Variants in SCN2A observed in about 807,000 individuals in gnomAD.
SCN2A encodes the protein sodium voltage-gated channel alpha subunit 2, also known as sodium channel protein type 2 subunit alpha.
Under a neutral mutation model 188.7 loss-of-function variants are expected in SCN2A, and 20 were observed. That is an observed-to-expected ratio of 0.11 (90% CI 0.07 to 0.15). The LOEUF is 0.15. Ranked by LOEUF, SCN2A falls within the 10% of genes least tolerant of loss-of-function variation. The pLI is 1.00. For synonymous variants in SCN2A, 804 were observed against 833.1 expected, an observed-to-expected ratio of 0.97 and a Z score of 0.60; for missense variants, 1,278 against 2,445.0, an observed-to-expected ratio of 0.52 and a Z score of 10.07.
At chr2:165,255,576 A>C (rs755228351) in intron 1 of SCN2A, among the ~76,000 whole-genome samples, 2 of 152,014 alleles carry the variant, frequency 1.3e-5, no homozygotes, top group Non-Finnish European at 2.9e-5. Flanking sequence ...CCTAACAATT[A>C]TTAAAATATG....
At chr2:165,269,530 A>G (rs960637152) in intron 1 of SCN2A, 2 of 152,040 alleles carry the variant, frequency 1.3e-5, no homozygotes, top group Non-Finnish European at 2.9e-5. Flanking sequence ...TTCCTATCCT[A>G]CATTTTATTG....
intron 14 of SCN2A, among the ~76,000 whole-genome samples, chr2:165,337,142 C>CA (rs1295957646): frequency 4.6e-5 from 7 of 151,922 alleles, no homozygotes; most frequent in Non-Finnish European, 5.9e-5. Context: ...AGGAATAACT[C>CA]AGACATTTTA....
intron 1 of SCN2A, among the ~76,000 whole-genome samples, chr2:165,292,013 C>T (rs1219597036): frequency 6.6e-6 from 1 of 152,058 alleles, no homozygotes; most frequent in Non-Finnish European, 1.5e-5. Context: ...GCTGCTACAG[C>T]ATCTAGCTGT....
chr2:165,375,454 C>T (rs1701260365), intron 22 of SCN2A, among the ~76,000 whole-genome samples: 1 of 151,610 alleles, frequency 6.6e-6, no homozygotes, highest in Non-Finnish European at 1.5e-5. Flanking sequence ...TATAGATATA[C>T]ACTGTATATG....
At chr2:165,309,532 A>G in intron 6 of SCN2A, 89 bp downstream of exon 6, 2 of 1,458,600 alleles carry the variant, frequency 1.4e-6, no homozygotes, top group Non-Finnish European at 1.9e-6. Flanking sequence ...TGCTAGTTGC[A>G]TATTGCAAAT....
At chr2:165,376,974 A>C (rs993859842) in intron 22 of SCN2A, among the ~76,000 whole-genome samples, 4 of 152,022 alleles carry the variant, frequency 2.6e-5, no homozygotes, top group African/African-American at 9.7e-5. Flanking sequence ...AACTGAAAAA[A>C]TGTACAAGAG....
chr2:165,388,536 G>A (rs966957828), intron 26 of SCN2A, 93 bp from the exon 27 acceptor site: 39 of 1,546,968 alleles, frequency 2.5e-5, no homozygotes, highest in African/African-American at 4.1e-5. Context: ...TAACTGTCCT[G>A]TTCACATTTT....
intron 13 of SCN2A, among the ~76,000 whole-genome samples, chr2:165,329,680 A>G (rs1698570875): frequency 6.6e-6 from 1 of 152,146 alleles, no homozygotes; most frequent in Non-Finnish European, 1.5e-5. Flanking sequence ...AAAAAACCAT[A>G]TTATGGCAGT....
intron 1 of SCN2A, among the ~76,000 whole-genome samples, chr2:165,247,013 T>C (rs184282786): frequency 3.0e-4 from 45 of 152,292 alleles, no homozygotes; most frequent in African/African-American, 7.9e-4. Context: ...CACAGGTTTC[T>C]ATCACTGCAT....
At chr2:165,248,987 T>G (rs996583290) in intron 1 of SCN2A, among the ~76,000 whole-genome samples, 1 of 152,152 alleles carries the variant, frequency 6.6e-6, no homozygotes, top group African/African-American at 2.4e-5. Context: ...AAATGCATAT[T>G]AGTGTTATAA....
chr2:165,388,250 C>A (rs1490224591), intron 26 of SCN2A, among the ~76,000 whole-genome samples: 1 of 152,126 alleles, frequency 6.6e-6, no homozygotes, highest in Non-Finnish European at 1.5e-5. Context: ...TCTCATATTC[C>A]TGACCCAAAA....
chr2:165,285,364 A>G lies in SCN2A; in HGVS notation c.-51-10409A>G, dbSNP rs999997217. 4 of 169,652 alleles carry G rather than the reference A, an allele frequency of 2.4e-5. No homozygotes were observed. In the South Asian group the frequency reaches 5.0e-4, roughly 21 times the overall value. The allele number at this position is 169,652 out of a possible 1,614,324, so 10.5% of individuals were successfully genotyped here. On this transcript the variant is annotated intron_variant, in intron 1 of 26. Transcript: ENST00000375437. ...AGTTGAATTTGACAAAGATGGAACA[A>G]TTGTGCTCAGGGGCTGCTTATTGTT...
chr2:165,386,602 ATT>A (rs78399411), intron 25 of SCN2A, 142 bp from the exon 26 acceptor site: 20 of 685,748 alleles, frequency 2.9e-5, no homozygotes, highest in Non-Finnish European at 3.7e-5. Context: ...TTTGCAAGGA[ATT>A]TTTTTTTTTG....
intron 1 of SCN2A, chr2:165,293,708 C>T (rs1347733216): frequency 5.1e-6 from 2 of 391,344 alleles, no homozygotes; most frequent in African/African-American, 4.4e-5. Flanking sequence ...TCTGACATAG[C>T]AAATAAAAAG....
At chr2:165,273,447 AAC>A (rs1695190975) in intron 1 of SCN2A, 1 of 152,206 alleles carries the variant, frequency 6.6e-6, no homozygotes, top group Non-Finnish European at 1.5e-5. Context: ...TTATAGTGCC[AAC>A]ACAAAGAAAA....
At chr2:165,369,162 C>T (rs1454647615) in intron 19 of SCN2A, among the ~76,000 whole-genome samples, 3 of 152,092 alleles carry the variant, frequency 2.0e-5, no homozygotes, top group Non-Finnish European at 4.4e-5. Context: ...CTCCTGGCCT[C>T]AAGAGATCTG....
chr2:165,356,512 A>G lies in SCN2A; in HGVS notation c.3399+1841A>G, dbSNP rs144808136. ...TTTTGATGTATATTCCCCTCTCATT[A>G]TTTTGAAATTATGCCTAATGGTGAA... On this transcript the variant is annotated intron_variant, in intron 17 of 26. Coordinates refer to ENST00000375437, the MANE Select transcript of SCN2A (RefSeq NM_001040142.2). Among the ~76,000 whole-genome samples the G allele has an allele frequency of 5.7e-4, 87 of 152,292 alleles. No homozygotes were observed. The East Asian group carries it at 0.013, about 23-fold the overall frequency.
chr2:165,295,943 A>G lies in SCN2A; in HGVS notation c.120A>G (p.Glu40=). 2 of 1,614,164 alleles carry G rather than the reference A, an allele frequency of 1.2e-6. No individual in the cohort carries two copies. The highest frequency in any genetic ancestry group is 1.1e-5 in the South Asian group (1 of 91,086). ...AGAAAGCTAAGAGACCCAAACAGGA[A>G]CGCAAGGATGAGGATGATGAAAATG... ...AEEKAKRPKQ[E]RKDEDDENGP... The change falls in exon 2 of 27, where the codon GAA becomes GAG. Residue 40 remains glutamate, a synonymous_variant. Coordinates refer to ENST00000375437, the MANE Select transcript of SCN2A (RefSeq NM_001040142.2).
At position 165,277,059 on chromosome 2, in the gene SCN2A, C is replaced by CA. The variant is rs572170910; in HGVS notation, c.-51-18704dup. Among the ~76,000 whole-genome samples the CA allele has an allele frequency of 1.2e-4, 17 of 147,648 alleles. No homozygotes were observed. In the South Asian group the frequency reaches 1.3e-3, roughly 11 times the overall value. ...GTGTCGACAGAGCAAGACTCCGTCT[C>CA]AAAAAAAAAATTAGTTTAATTTTGT... On this transcript the variant is annotated intron_variant, in intron 1 of 26. Transcript: ENST00000375437.
Sources: allele counts gnomAD v4.1 joint callset (sites outside exome capture counted in the v4.1 genomes callset), GRCh38; gene constraint gnomAD v4.1.1; transcripts MANE v1.5; gene names NCBI Gene and HGNC (gene_info 2026-07-23, HGNC 2026-07-21).